The following KSR2 variants were observed in gnomAD, a reference collection of about 807,000 sequenced individuals.
KSR2 encodes the protein kinase suppressor of ras 2.
Under a neutral mutation model 107.8 loss-of-function variants are expected in KSR2, and 25 were observed. The observed-to-expected ratio is 0.23, with a 90% CI of 0.17 to 0.32. The LOEUF is 0.32. Among genes scored for constraint, KSR2 ranks in the 10% least tolerant of loss-of-function variants. KSR2 has a pLI of 1.00. For synonymous variants in KSR2, 480 were observed against 507.0 expected (o/e 0.95, Z 0.71); for missense variants, 887 against 1,268.9 (o/e 0.70, Z 4.57).
At chr12:117,915,996 C>G (rs1378269386) in intron 1 of KSR2, among the ~76,000 whole-genome samples, 1 of 151,996 alleles carries the variant, frequency 6.6e-6, no homozygotes, top group Non-Finnish European at 1.5e-5. Flanking sequence ...TGCTTTTTTC[C>G]TAGCCCAATG....
intron 4 of KSR2, among the ~76,000 whole-genome samples, chr12:117,701,425 G>T (rs1593146555): frequency 6.6e-6 from 1 of 152,232 alleles, no homozygotes. Context: ...ATCTGGTCAT[G>T]CCAACACCTT....
intron 3 of KSR2, among the ~76,000 whole-genome samples, chr12:117,767,361 C>T (rs1889275462): frequency 1.3e-5 from 2 of 151,084 alleles, no homozygotes; most frequent in South Asian, 2.1e-4. Context: ...GGCGTGAACC[C>T]GGGAGGCGGA....
chr12:117,888,657 A>G (rs928022860), intron 1 of KSR2, among the ~76,000 whole-genome samples: 1 of 152,236 alleles, frequency 6.6e-6, no homozygotes, highest in Non-Finnish European at 1.5e-5. Flanking sequence ...CAAGCCAAGA[A>G]TAGAGCCCTC....
chr12:117,798,444 G>C (rs923809134), intron 3 of KSR2, among the ~76,000 whole-genome samples: 1 of 152,138 alleles, frequency 6.6e-6, no homozygotes, highest in African/African-American at 2.4e-5. Flanking sequence ...ACCAGCCTGG[G>C]CAACATGGTG....
intron 4 of KSR2, among the ~76,000 whole-genome samples, chr12:117,754,333 G>A (rs553923100): frequency 6.6e-6 from 1 of 152,014 alleles, no homozygotes; most frequent in Non-Finnish European, 1.5e-5. Context: ...CAAGGATAAG[G>A]GGCCTAAAAA....
chr12:117,904,231 G>A (rs1894773561), intron 1 of KSR2, among the ~76,000 whole-genome samples: 1 of 152,174 alleles, frequency 6.6e-6, no homozygotes, highest in Non-Finnish European at 1.5e-5. Flanking sequence ...CAGACCCTCA[G>A]GGGTTCATAT....
At chr12:117,512,877 C>T (rs1259143431) in intron 14 of KSR2, among the ~76,000 whole-genome samples, 4 of 152,150 alleles carry the variant, frequency 2.6e-5, no homozygotes, top group Non-Finnish European at 4.4e-5. Context: ...GAAGGCCAAA[C>T]ATTAACAGAA....
At position 117,819,258 on chromosome 12, in the gene KSR2, C is replaced by T. The variant is rs527807196; in HGVS notation, c.472+36170G>A. Among the ~76,000 whole-genome samples the T allele has an allele frequency of 1.2e-4, 18 of 152,252 alleles. No individual in the cohort carries two copies. The East Asian group carries it at 2.7e-3, about 23-fold the overall frequency. ...CTGAGTTATTTGGGAGGAAGTTCCC[C>T]GTCACTGCAGGTGTACACCAGCTAG... is the stretch of plus-strand genomic sequence containing the variant. On this transcript the variant is annotated intron_variant, in intron 3 of 19. Transcript: ENST00000339824.
intron 4 of KSR2, among the ~76,000 whole-genome samples, chr12:117,707,836 G>A (rs1314343177): frequency 6.6e-6 from 1 of 152,192 alleles, no homozygotes; most frequent in South Asian, 2.1e-4. Flanking sequence ...GATAGGGGTT[G>A]CAAATATGCC....
At chr12:117,545,519 G>T (rs888944601) in intron 9 of KSR2, among the ~76,000 whole-genome samples, 3 of 152,166 alleles carry the variant, frequency 2.0e-5, no homozygotes, top group Non-Finnish European at 2.9e-5. Flanking sequence ...TGGGTGAGTT[G>T]TGGAAGTTTG....
intron 3 of KSR2, among the ~76,000 whole-genome samples, chr12:117,777,760 T>C (rs1889746400): frequency 6.6e-6 from 1 of 152,134 alleles, no homozygotes; most frequent in Non-Finnish European, 1.5e-5. Flanking sequence ...CCAGGTGCAG[T>C]GGCTCAAAAT....
chr12:117,945,231 T>C (rs1192996387), intron 1 of KSR2, among the ~76,000 whole-genome samples: 3 of 152,222 alleles, frequency 2.0e-5, no homozygotes, highest in Admixed American at 1.3e-4. Context: ...TTGACATTTA[T>C]AGAACACTCC....
At chr12:117,791,158 CCTT>C (rs952437360) in intron 3 of KSR2, among the ~76,000 whole-genome samples, 3 of 152,126 alleles carry the variant, frequency 2.0e-5, no homozygotes, top group Non-Finnish European at 2.9e-5. Flanking sequence ...CACTGATCTT[CCTT>C]CTTTCCTTTA....
At chr12:117,676,639 G>T (rs985305520) in intron 4 of KSR2, among the ~76,000 whole-genome samples, 1 of 152,138 alleles carries the variant, frequency 6.6e-6, no homozygotes, top group Non-Finnish European at 1.5e-5. Context: ...GCTAAAAATA[G>T]ACTGGCAGTT....
chr12:117,755,281 T>C (rs1049612175), intron 4 of KSR2, among the ~76,000 whole-genome samples: 1 of 152,176 alleles, frequency 6.6e-6, no homozygotes, highest in Non-Finnish European at 1.5e-5. Flanking sequence ...TTTGCAGACA[T>C]CACATTTTTT....
At chr12:117,833,466 G>T (rs546508433) in intron 3 of KSR2, among the ~76,000 whole-genome samples, 1 of 152,254 alleles carries the variant, frequency 6.6e-6, no homozygotes, top group East Asian at 1.9e-4. Context: ...AGGCTCAAGA[G>T]ATCCTCCAGC....
intron 5 of KSR2, among the ~76,000 whole-genome samples, chr12:117,660,547 T>C (rs10850882): frequency 0.8 from 121,144 of 152,072 alleles, 48,366 homozygotes; most frequent in South Asian, 0.88. Context: ...TAGGGCCCAT[T>C]CTAATGACCT....
At chr12:117,647,669 G>A (rs1445867578) in intron 5 of KSR2, among the ~76,000 whole-genome samples, 1 of 152,092 alleles carries the variant, frequency 6.6e-6, no homozygotes, top group African/African-American at 2.4e-5. Flanking sequence ...CTGGAGATCA[G>A]GGGAGGGGCC....
chr12:117,943,935 G>C (rs1896093594), intron 1 of KSR2, among the ~76,000 whole-genome samples: 3 of 152,140 alleles, frequency 2.0e-5, no homozygotes, highest in Non-Finnish European at 4.4e-5. Flanking sequence ...CTTGCCTGCT[G>C]TCATGTTAAG....
Sources: gnomAD v4.1 joint callset for allele counts (sites outside exome capture counted in the v4.1 genomes callset) on GRCh38, gnomAD v4.1.1 for gene constraint, MANE v1.5 for transcripts, NCBI Gene and HGNC (gene_info 2026-07-23, HGNC 2026-07-21) for gene names.